The following ATXN2 variants were observed in gnomAD, a reference collection of about 807,000 sequenced individuals.
ATXN2 encodes the protein ataxin-2.
ATXN2 carries 37 observed loss-of-function variants against 138.6 expected under a neutral mutation model. The observed-to-expected ratio is 0.27, with a 90% CI of 0.21 to 0.35. ATXN2 has a LOEUF of 0.35. ATXN2 is among the 10% of genes least tolerant of loss of function. The pLI is 1.00. For synonymous variants in ATXN2, 549 were observed against 543.7 expected (o/e 1.01, Z -0.13); for missense variants, 1,216 against 1,480.3 (o/e 0.82, Z 2.93).
At chr12:111,483,188 A>C (rs1592816992) in intron 18 of ATXN2, among the ~76,000 whole-genome samples, 1 of 118,944 alleles carries the variant, frequency 8.4e-6, no homozygotes, top group African/African-American at 3.7e-5. Flanking sequence ...CCCTGTATCA[A>C]ACACATACAC....
chr12:111,490,957 G>C (rs1429188332), intron 14 of ATXN2, among the ~76,000 whole-genome samples: 1 of 152,090 alleles, frequency 6.6e-6, no homozygotes, highest in East Asian at 1.9e-4. Context: ...CCATCCCAGT[G>C]ATTAGAATCT....
chr12:111,599,191 A>G lies in ATXN2; in HGVS notation c.-157T>C. On this transcript the variant is annotated 5_prime_UTR_variant, in exon 1 of 25. Coordinates refer to ENST00000673436, the MANE Select transcript of ATXN2 (RefSeq NM_001372574.1). ...GGGCGCCCGGGCTGGCGAGGGGGAG[A>G]AGGAGGACGACGAAGGGGCGGGGAG... 8.3e-7 allele frequency: 1 copy of G among 1,202,532 alleles called. No individual in the cohort carries two copies. 74.5% of individuals were successfully genotyped at this position (1,202,532 alleles called of 1,614,324 possible).
chr12:111,464,605 T>C lies in ATXN2; in HGVS notation c.2896+57A>G, dbSNP rs1875859838. 9 of 1,388,586 alleles carry C rather than the reference T, an allele frequency of 6.5e-6. No homozygotes were observed. The South Asian group carries it at 9.5e-5, about 15-fold the overall frequency. 86.0% of individuals were successfully genotyped at this position (1,388,586 alleles called of 1,614,324 possible). On this transcript the variant is annotated intron_variant, in intron 21 of 24. Transcript: ENST00000673436. ...AACAAGTCTACTCCCTTAACATGTA[T>C]CCTTTAAAAAGTGTTTTACTGTACA...
In ATXN2 at chr12:111,520,916, C is replaced by G. The variant is rs749314869; in HGVS notation, c.754G>C (p.Val252Leu). Residue 252 changes from valine (V) to leucine (L), a missense_variant, in exon 7 of 25, where the codon GTG (valine) becomes CTG (leucine). Coordinates refer to ENST00000673436, the MANE Select transcript of ATXN2 (RefSeq NM_001372574.1). ...FRYNEENYGV[V>L]STYDSSLSSY... ...GATAAACTGCTATCATACGTAGACA[C>G]TACACCATAATTTTCTTCATTATAT... 1.9e-6 allele frequency: 3 copies of G among 1,600,228 alleles called. No homozygotes were observed. Among genetic ancestry groups the G allele is most frequent in the Non-Finnish European group, 2.6e-6 (3 of 1,171,670 alleles).
chr12:111,528,082 C>T (rs1464715159), intron 5 of ATXN2, among the ~76,000 whole-genome samples: 4 of 152,170 alleles, frequency 2.6e-5, no homozygotes, highest in Admixed American at 1.3e-4. Context: ...TGTTCCTTTA[C>T]GTCTAAGATC....
At position 111,453,570 on chromosome 12, in the gene ATXN2, C is replaced by T; in HGVS notation, c.3439+107G>A. 1 of 1,450,210 alleles carries T rather than the reference C, an allele frequency of 6.9e-7. No individual in the cohort carries two copies. The highest frequency in any genetic ancestry group is 9.1e-7 in the Non-Finnish European group (1 of 1,100,146). The allele number at this position is 1,450,210 out of a possible 1,614,324, so 89.8% of individuals were successfully genotyped here. ...TGTGCACACTCCTGGACGGGTCTTG[C>T]TAGTTCTCAAATGCGGGGCTTGAAG... On this transcript the variant is annotated intron_variant, in intron 24 of 24. Transcript: ENST00000673436. The surrounding 1 kb of genome is among the most constrained non-coding windows in gnomAD (Gnocchi z 5.4).
intron 1 of ATXN2, among the ~76,000 whole-genome samples, chr12:111,559,331 C>T (rs1392878098): frequency 1.3e-5 from 2 of 150,412 alleles, no homozygotes; most frequent in Non-Finnish European, 3.0e-5. Context: ...GATCTCTTAA[C>T]CTTGTGATCC....
chr12:111,528,931 C>T (rs1056625059), intron 5 of ATXN2, among the ~76,000 whole-genome samples: 4 of 152,130 alleles, frequency 2.6e-5, no homozygotes, highest in African/African-American at 9.7e-5. Context: ...ACAGTGGTTA[C>T]AAGTTTGGAT....
At chr12:111,461,505 T>A (rs1264012745) in intron 21 of ATXN2, among the ~76,000 whole-genome samples, 1 of 151,380 alleles carries the variant, frequency 6.6e-6, no homozygotes, top group Non-Finnish European at 1.5e-5. Flanking sequence ...AAATAAATAA[T>A]AATAATAAAT....
At chr12:111,531,638 A>C (rs1880842739) in intron 5 of ATXN2, among the ~76,000 whole-genome samples, 1 of 152,202 alleles carries the variant, frequency 6.6e-6, no homozygotes, top group Non-Finnish European at 1.5e-5. Flanking sequence ...ATACTGAAGA[A>C]TAACACAAAG....
rs895645438 is a variant in ATXN2 at position 111,485,700 on chromosome 12, T to G, written c.2457+13A>C. 3 of 1,613,486 alleles carry G rather than the reference T, an allele frequency of 1.9e-6. No homozygotes were observed. In the Admixed American group the frequency reaches 5.0e-5, roughly 27 times the overall value. Reference sequence around the variant, plus strand: ...TTGGGGAGGCTAAGTGAACATCAAATTCTATGACTTACTTGCACGCCTGGG... The same window carrying G: ...TTGGGGAGGCTAAGTGAACATCAAAGTCTATGACTTACTTGCACGCCTGGG... On this transcript the variant is annotated intron_variant, in intron 17 of 24. Coordinates refer to ENST00000673436, the MANE Select transcript of ATXN2 (RefSeq NM_001372574.1).
chr12:111,513,418 AGCT>A lies in ATXN2; in HGVS notation c.1494_1496del (p.Ala499del), dbSNP rs1329151802. 6.2e-7 allele frequency: 1 copy of A among 1,614,072 alleles called. No individual in the cohort carries two copies. Among genetic ancestry groups the A allele is most frequent in the Admixed American group, 1.7e-5 (1 of 59,984 alleles). On this transcript the variant is annotated inframe_deletion, in exon 11 of 25. Transcript: ENST00000673436. ...GACTGGTCCTTGCTACTGGAGGAGT[AGCT>A]GCTTCACTGGGTGGGTTGTGGGATA... is the stretch of plus-strand genomic sequence containing the variant.
intron 13 of ATXN2, 22 bp from the exon 14 acceptor site, chr12:111,509,641 A>T: frequency 7.3e-7 from 1 of 1,367,730 alleles, no homozygotes; most frequent in Non-Finnish European, 1.0e-6. Flanking sequence ...AGAACTGTTA[A>T]GACACAGGTT....
intron 1 of ATXN2, among the ~76,000 whole-genome samples, chr12:111,572,975 C>T (rs927923732): frequency 6.6e-5 from 10 of 151,834 alleles, no homozygotes; most frequent in Non-Finnish European, 1.2e-4. Context: ...TAACAACAGA[C>T]TATCTGCCAA....
chr12:111,475,512 G>A (rs1876749050), intron 18 of ATXN2, among the ~76,000 whole-genome samples: 1 of 139,086 alleles, frequency 7.2e-6, no homozygotes. Context: ...TTTTTTAAGA[G>A]GGAATCTTGC....
At chr12:111,461,072 A>G (rs1875544420) in intron 21 of ATXN2, 1 of 152,248 alleles carries the variant, frequency 6.6e-6, no homozygotes, top group Non-Finnish European at 1.5e-5. Context: ...ACAAAATTTA[A>G]AAAGAGTTAA....
intron 18 of ATXN2, 65 bp from the exon 19 acceptor site, chr12:111,470,807 TG>T: frequency 6.5e-7 from 1 of 1,543,166 alleles, no homozygotes. Flanking sequence ...TGTGTTCACA[TG>T]GTCTAGGAGG....
At chr12:111,475,148 A>G (rs916993808) in intron 18 of ATXN2, among the ~76,000 whole-genome samples, 1 of 151,784 alleles carries the variant, frequency 6.6e-6, no homozygotes, top group East Asian at 1.9e-4. Context: ...CAAGAGGCGG[A>G]GCTTGCAGTG....
chr12:111,578,430 T>A (rs528116300), intron 1 of ATXN2, among the ~76,000 whole-genome samples: 18 of 152,306 alleles, frequency 1.2e-4, no homozygotes, highest in South Asian at 2.1e-4. Context: ...TGTTTAGATA[T>A]GTTTAGATTC....
Sources: allele counts gnomAD v4.1 joint callset (sites outside exome capture counted in the v4.1 genomes callset), GRCh38; gene constraint gnomAD v4.1.1; non-coding constraint Gnocchi (gnomAD v3.1); transcripts MANE v1.5; gene names NCBI Gene and HGNC (gene_info 2026-07-23, HGNC 2026-07-21).